TAF15: variants seen among roughly 807,000 people sequenced by gnomAD.
The protein encoded by TAF15 is TATA-binding protein-associated factor 2N.
A neutral mutation model predicts 102.5 loss-of-function variants in TAF15; 37 were observed. The ratio of observed to expected loss-of-function variants is 0.36; its 90% CI spans 0.28 to 0.47. The LOEUF (loss-of-function observed/expected upper bound fraction) is 0.47. Among genes scored for constraint, TAF15 ranks in the 20% least tolerant of loss-of-function variants. The pLI, the probability that TAF15 is intolerant of heterozygous loss-of-function variation, is 0.99. For synonymous variants in TAF15, 273 were observed against 259.2 expected (o/e 1.05, Z -0.51); for missense variants, 652 against 760.7 (o/e 0.86, Z 1.68).
intron 15 of TAF15, among the ~76,000 whole-genome samples, chr17:35,845,364 C>T (rs1371838187): frequency 6.6e-6 from 1 of 152,174 alleles, no homozygotes; most frequent in Non-Finnish European, 1.5e-5. Context: ...AGGCAACACT[C>T]CTGCCTCAGT....
intron 9 of TAF15, 42 bp from the exon 10 acceptor site, chr17:35,836,090 C>A: frequency 7.5e-7 from 1 of 1,336,720 alleles, no homozygotes; most frequent in Non-Finnish European, 1.1e-6. Flanking sequence ...AATGTCATAA[C>A]CAAGGAATAT....
At chr17:35,841,900 G>A (rs1240097992) in intron 11 of TAF15, among the ~76,000 whole-genome samples, 3 of 152,032 alleles carry the variant, frequency 2.0e-5, no homozygotes, top group East Asian at 1.9e-4. Flanking sequence ...GTCTCATTAC[G>A]TTCCTCAGGC....
chr17:35,842,232 C>G, intron 11 of TAF15, 135 bp from the exon 12 acceptor site: 1 of 702,320 alleles, frequency 1.4e-6, no homozygotes, highest in South Asian at 1.6e-5. Flanking sequence ...GTTATCTTGA[C>G]TCTTTGCATT....
intron 11 of TAF15, among the ~76,000 whole-genome samples, chr17:35,841,675 A>G (rs1018429705): frequency 4.0e-5 from 6 of 150,588 alleles, no homozygotes; most frequent in African/African-American, 1.5e-4. Context: ...TGTGATTGCA[A>G]GCTTGAGTCA....
chr17:35,813,876 G>A (rs1336576271), intron 1 of TAF15, among the ~76,000 whole-genome samples: 1 of 152,056 alleles, frequency 6.6e-6, no homozygotes. Context: ...GGAAGCAGTG[G>A]TATGATTAAT....
intron 7 of TAF15, among the ~76,000 whole-genome samples, chr17:35,825,639 G>A (rs1000600625): frequency 3.3e-5 from 5 of 152,246 alleles, no homozygotes; most frequent in Non-Finnish European, 1.5e-5. Context: ...GGAATAGGTA[G>A]GGAAGTCATT....
chr17:35,846,087 C>T (rs1000986569), intron 15 of TAF15, among the ~76,000 whole-genome samples: 1 of 152,122 alleles, frequency 6.6e-6, no homozygotes, highest in Non-Finnish European at 1.5e-5. Flanking sequence ...TAGAAAGTAA[C>T]TTCAATTATT....
intron 11 of TAF15, among the ~76,000 whole-genome samples, chr17:35,841,456 A>G (rs2087542783): frequency 6.6e-6 from 1 of 151,554 alleles, no homozygotes; most frequent in Non-Finnish European, 1.5e-5. Context: ...CCATGGGAAC[A>G]GGTAGACATG....
rs1272705766 is a variant in TAF15 at position 35,838,566 on chromosome 17, C to T, written c.913+13C>T. 15 of 1,613,822 alleles carry T rather than the reference C, an allele frequency of 9.3e-6. No homozygotes were observed. The highest frequency in any genetic ancestry group is 3.3e-5 in the South Asian group (3 of 91,056). ...GACTGGTTTGATGGTATGCCTCATT[C>T]GTATAGTTTTCAGCATGAAGTTGGA... On this transcript the variant is annotated intron_variant, in intron 11 of 15. Coordinates refer to ENST00000605844, the MANE Select transcript of TAF15 (RefSeq NM_139215.3).
intron 10 of TAF15, among the ~76,000 whole-genome samples, chr17:35,837,029 C>T (rs2087483330): frequency 1.3e-5 from 2 of 152,122 alleles, no homozygotes; most frequent in South Asian, 2.1e-4. Flanking sequence ...CCACCTCGGC[C>T]TCCCAAAGTC....
intron 11 of TAF15, among the ~76,000 whole-genome samples, chr17:35,842,138 G>T (rs1276262812): frequency 2.0e-5 from 3 of 147,726 alleles, no homozygotes; most frequent in Non-Finnish European, 3.0e-5. Flanking sequence ...TTTTGTTTTT[G>T]TTTTTTTTTT....
At chr17:35,822,467 G>A (rs1361119713) in intron 5 of TAF15, among the ~76,000 whole-genome samples, 173 bp from the exon 6 acceptor site, 1 of 151,872 alleles carries the variant, frequency 6.6e-6, no homozygotes, top group South Asian at 2.1e-4. Flanking sequence ...TGGCAGAATC[G>A]TCTTTCGCAG....
intron 11 of TAF15, among the ~76,000 whole-genome samples, chr17:35,841,190 A>C (rs1344538071): frequency 6.6e-6 from 1 of 151,498 alleles, no homozygotes; most frequent in African/African-American, 2.4e-5. Context: ...GATAAAAAAA[A>C]TTTCAAATGG....
chr17:35,844,725 GGAGGTGGCTATGGAGGAGATC>G lies in TAF15; in HGVS notation c.1446_1466del (p.Tyr486_Gly492del), dbSNP rs768963549. 1.8e-4 allele frequency: 295 copies of G among 1,600,384 alleles called. No homozygotes were observed. The highest frequency in any genetic ancestry group is 4.4e-4 in the South Asian group (40 of 90,326). The stretch of plus-strand genomic sequence containing the variant: ...AGGAGGCGGCTATGGAGGAGACCGA[GGAGGTGGCTATGGAGGAGATC>G]GAGGTGGCTATGGAGGAGACCGAGG... On this transcript the variant is annotated inframe_deletion, in exon 15 of 16. Coordinates refer to ENST00000605844, the MANE Select transcript of TAF15 (RefSeq NM_139215.3).
chr17:35,822,174 T>C (rs2087268232), intron 5 of TAF15, among the ~76,000 whole-genome samples: 1 of 151,966 alleles, frequency 6.6e-6, no homozygotes, highest in Non-Finnish European at 1.5e-5. Context: ...AAACCCCGTC[T>C]CTACTAAAAA....
At position 35,832,796 on chromosome 17, in the gene TAF15, G is replaced by T. The variant is rs188346003; in HGVS notation, c.606-1111G>T. Among the ~76,000 whole-genome samples the T allele has an allele frequency of 1.4e-4, 21 of 152,244 alleles. No individual in the cohort carries two copies. In the East Asian group the frequency reaches 3.9e-3, roughly 28 times the overall value. ...ATTTAAAGAGTTTCTTGATAAGAGAGACCTTAGATTTCTTACGTAAAGCCA... is the reference window on the plus strand; with the variant it reads ...ATTTAAAGAGTTTCTTGATAAGAGATACCTTAGATTTCTTACGTAAAGCCA... On this transcript the variant is annotated intron_variant, in intron 7 of 15. Coordinates refer to ENST00000605844, the MANE Select transcript of TAF15 (RefSeq NM_139215.3).
intron 7 of TAF15, among the ~76,000 whole-genome samples, chr17:35,829,618 C>T (rs1478806705): frequency 3.6e-5 from 4 of 109,908 alleles, no homozygotes; most frequent in South Asian, 2.9e-4. Context: ...GGAGACAGAG[C>T]GAGACTCCAT....
At chr17:35,824,410 A>G in intron 7 of TAF15, 1 of 615,292 alleles carries the variant, frequency 1.6e-6, no homozygotes, top group Non-Finnish European at 2.7e-6. Context: ...GTTAGTAGTT[A>G]GTTTATGTGG....
intron 8 of TAF15, chr17:35,834,346 G>A: frequency 1.9e-6 from 1 of 539,656 alleles, no homozygotes; most frequent in South Asian, 2.6e-5. Flanking sequence ...AGTGGCAGGT[G>A]CTGTCTAGGA....
Sources: gnomAD v4.1 joint callset for allele counts (sites outside exome capture counted in the v4.1 genomes callset) on GRCh38, gnomAD v4.1.1 for gene constraint, MANE v1.5 for transcripts, NCBI Gene and HGNC (gene_info 2026-07-23, HGNC 2026-07-21) for gene names.